Variants in FAM107B observed in about 807,000 individuals in gnomAD.
FAM107B encodes family with sequence similarity 107 member B, also known as protein FAM107B.
FAM107B carries 21 observed loss-of-function variants against 31.5 expected under a neutral mutation model. The ratio of observed to expected loss-of-function variants is 0.67; its 90% CI spans 0.47 to 0.96. The LOEUF (loss-of-function observed/expected upper bound fraction) is 0.96. Ranked by LOEUF, FAM107B falls within the 40% of genes least tolerant of loss-of-function variation. The pLI, the probability that FAM107B is intolerant of heterozygous loss-of-function variation, is 0.00. For synonymous variants in FAM107B, 157 were observed against 141.5 expected, an observed-to-expected ratio of 1.11 and a Z score of -0.78; for missense variants, 452 against 377.1, an observed-to-expected ratio of 1.20 and a Z score of -1.64.
intron 1 of FAM107B, among the ~76,000 whole-genome samples, chr10:14,690,452 T>A (rs1564626957): frequency 3.9e-5 from 6 of 151,984 alleles, no homozygotes; most frequent in South Asian, 4.2e-4. Context: ...CCCTTTATTT[T>A]TTTATTTTTT....
At chr10:14,687,639 G>C (rs951403667) in intron 1 of FAM107B, among the ~76,000 whole-genome samples, 1 of 149,936 alleles carries the variant, frequency 6.7e-6, no homozygotes, top group Non-Finnish European at 1.5e-5. Flanking sequence ...GTTGCGGGGG[G>C]TGGGGGAGGG....
chr10:14,550,924 A>C (rs1015898974), intron 2 of FAM107B, among the ~76,000 whole-genome samples: 1 of 152,220 alleles, frequency 6.6e-6, no homozygotes, highest in Admixed American at 6.5e-5. Flanking sequence ...TCACTTCGAG[A>C]GGAACAATTG....
At chr10:14,602,109 ACAT>A (rs1852418762) in intron 2 of FAM107B, among the ~76,000 whole-genome samples, 1 of 152,190 alleles carries the variant, frequency 6.6e-6, no homozygotes, top group African/African-American at 2.4e-5. Context: ...AGACAGAAAC[ACAT>A]CACGACTCCT....
At chr10:14,540,800 T>C (rs531352158) in intron 2 of FAM107B, among the ~76,000 whole-genome samples, 5 of 152,300 alleles carry the variant, frequency 3.3e-5, no homozygotes, top group Admixed American at 1.3e-4. Flanking sequence ...AGGTGTCAAG[T>C]TGAGCTCCCC....
intron 1 of FAM107B, among the ~76,000 whole-genome samples, chr10:14,767,416 C>T (rs1833206687): frequency 6.6e-6 from 1 of 151,666 alleles, no homozygotes; most frequent in Admixed American, 6.6e-5. Flanking sequence ...ATAGAAAGAT[C>T]CTCAACAAAA....
At chr10:14,562,970 G>A (rs964135779) in intron 2 of FAM107B, among the ~76,000 whole-genome samples, 1 of 152,242 alleles carries the variant, frequency 6.6e-6, no homozygotes, top group Non-Finnish European at 1.5e-5. Flanking sequence ...TTATGTCTCT[G>A]CTACATGTGA....
chr10:14,689,470 T>C (rs12570175), intron 1 of FAM107B, among the ~76,000 whole-genome samples: 25,030 of 150,044 alleles, frequency 0.17, 2,211 homozygotes, highest in Middle Eastern at 0.28. Context: ...AATGCTAGAG[T>C]AGACTTTACA....
chr10:14,740,249 T>G (rs776410619), intron 1 of FAM107B, among the ~76,000 whole-genome samples: 4 of 152,096 alleles, frequency 2.6e-5, no homozygotes, highest in Non-Finnish European at 4.4e-5. Context: ...ATGTGGAACA[T>G]CCAGACAATG....
chr10:14,725,821 CTTTT>C (rs759788163), intron 1 of FAM107B, among the ~76,000 whole-genome samples: 1 of 94,296 alleles, frequency 1.1e-5, no homozygotes, highest in Non-Finnish European at 1.9e-5. Context: ...CAGTCAAATC[CTTTT>C]TTTTTTTTTT....
chr10:14,759,717 TTTC>T (rs1415025821), intron 1 of FAM107B, among the ~76,000 whole-genome samples: 4 of 152,270 alleles, frequency 2.6e-5, no homozygotes, highest in South Asian at 4.1e-4. Flanking sequence ...CTTCTTTTTT[TTTC>T]TTTTTTTTTA....
intron 2 of FAM107B, among the ~76,000 whole-genome samples, chr10:14,553,924 C>T (rs1366438635): frequency 2.6e-5 from 4 of 152,124 alleles, no homozygotes; most frequent in Admixed American, 2.0e-4. Context: ...GAGGGCCAGG[C>T]TTCAAACAGG....
rs113778074 is a variant in FAM107B, at chr10:14,629,955, C to T, written c.469+37679G>A. On this transcript the variant is annotated intron_variant, in intron 2 of 4. Coordinates refer to ENST00000181796, the MANE Select transcript of FAM107B (RefSeq NM_031453.4). ...CGTGTAAATCACAAAACTGCAAACA[C>T]ACTTTCAACTTGAGATACATGAAAA... 2.4e-4 allele frequency among the ~76,000 whole-genome samples: 37 copies of T among 152,198 alleles called. 1 individual carries two copies. The highest frequency in any genetic ancestry group is 8.4e-4 in the African/African-American group (35 of 41,524).
chr10:14,682,049 C>A (rs1468262699), intron 1 of FAM107B, among the ~76,000 whole-genome samples: 5 of 152,162 alleles, frequency 3.3e-5, no homozygotes, highest in Non-Finnish European at 4.4e-5. Context: ...CTCTTAATAA[C>A]CATACTGCTA....
intron 1 of FAM107B, among the ~76,000 whole-genome samples, chr10:14,768,885 C>G (rs535660561): frequency 2.0e-5 from 3 of 152,172 alleles, no homozygotes; most frequent in Non-Finnish European, 4.4e-5. Context: ...TGTAAACTAT[C>G]TCTCACCTCA....
chr10:14,597,516 T>C (rs907524135), intron 2 of FAM107B, among the ~76,000 whole-genome samples: 13 of 152,314 alleles, frequency 8.5e-5, no homozygotes, highest in Middle Eastern at 3.4e-3. Flanking sequence ...ATTTCTAATA[T>C]GAAAACCCAG....
chr10:14,748,941 T>G (rs1034368817), intron 1 of FAM107B, among the ~76,000 whole-genome samples: 3 of 152,250 alleles, frequency 2.0e-5, no homozygotes, highest in Admixed American at 6.5e-5. Context: ...AAGCGCCCAC[T>G]GGCCTGGATT....
chr10:14,703,529 T>C (rs1475529211), intron 1 of FAM107B, among the ~76,000 whole-genome samples: 1 of 152,022 alleles, frequency 6.6e-6, no homozygotes, highest in African/African-American at 2.4e-5. Flanking sequence ...GAGACAGGGT[T>C]TCACCATGTT....
At chr10:14,725,619 C>T (rs115155825) in intron 1 of FAM107B, among the ~76,000 whole-genome samples, 2 of 150,506 alleles carry the variant, frequency 1.3e-5, no homozygotes, top group Non-Finnish European at 3.0e-5. Context: ...GAGAGACAGA[C>T]AGAGAGAGAG....
intron 2 of FAM107B, among the ~76,000 whole-genome samples, chr10:14,557,903 C>T (rs1849841207): frequency 6.6e-6 from 1 of 152,238 alleles, no homozygotes; most frequent in Non-Finnish European, 1.5e-5. Context: ...TAGTTCATCC[C>T]TTGCTAATGG....
Sources: allele counts gnomAD v4.1 joint callset (sites outside exome capture counted in the v4.1 genomes callset), GRCh38; gene constraint gnomAD v4.1.1; transcripts MANE v1.5; gene names NCBI Gene and HGNC (gene_info 2026-07-23, HGNC 2026-07-21).